Variants in TLK1 observed in about 807,000 individuals in gnomAD.
TLK1 encodes the protein serine/threonine-protein kinase tousled-like 1.
Under a neutral mutation model 105.3 loss-of-function variants are expected in TLK1, and 24 were observed. The ratio of observed to expected loss-of-function variants is 0.23; its 90% CI spans 0.17 to 0.32. The LOEUF (loss-of-function observed/expected upper bound fraction) is 0.32. Among genes scored for constraint, TLK1 ranks in the 10% least tolerant of loss-of-function variants. The pLI is 1.00. For missense variants in TLK1, 558 were observed against 910.5 expected, an observed-to-expected ratio of 0.61 and a Z score of 4.98; for synonymous variants, 321 against 310.4, an observed-to-expected ratio of 1.03 and a Z score of -0.36.
chr2:171,207,674 AG>A (rs1417791654), intron 1 of TLK1, among the ~76,000 whole-genome samples: 2 of 152,194 alleles, frequency 1.3e-5, no homozygotes, highest in Non-Finnish European at 2.9e-5. Context: ...TGATCCTAAA[AG>A]GGCTCTAAAA....
rs1380636867 is a variant in TLK1, at chr2:171,182,937, AAGAAAG to A, written c.-6+48202_-6+48207del. Among the ~76,000 whole-genome samples, 8 of 143,830 alleles carry A rather than the reference AAGAAAG, an allele frequency of 5.6e-5. No homozygotes were observed. The East Asian group carries it at 1.1e-3, about 20-fold the overall frequency. 94.4% of individuals were successfully genotyped at this position (143,830 alleles called of 152,430 possible). ...ACCCTGACTCCAAAAAAAAAAAAAA[AAGAAAG>A]AAAGAAAGAAAGAAAGAAAGAAAGA... is the stretch of plus-strand genomic sequence containing the variant. On this transcript the variant is annotated intron_variant, in intron 1 of 20. Transcript: ENST00000521943.
At chr2:171,155,040 A>G (rs1692180810) in intron 1 of TLK1, among the ~76,000 whole-genome samples, 1 of 152,206 alleles carries the variant, frequency 6.6e-6, no homozygotes, top group South Asian at 2.1e-4. Context: ...ATGAGAATTT[A>G]AATTCTTCAT....
intron 1 of TLK1, among the ~76,000 whole-genome samples, chr2:171,202,632 C>T (rs1358272108): frequency 6.6e-6 from 1 of 151,906 alleles, no homozygotes; most frequent in Non-Finnish European, 1.5e-5. Flanking sequence ...TGGTGTGCGC[C>T]GGTAGTCCCA....
chr2:171,029,777 G>A (rs1322646014), intron 11 of TLK1, among the ~76,000 whole-genome samples: 2 of 152,092 alleles, frequency 1.3e-5, no homozygotes. Flanking sequence ...TTAGGGTCTC[G>A]CTCTGTTGCC....
intron 1 of TLK1, among the ~76,000 whole-genome samples, chr2:171,205,546 A>G (rs1432206416): frequency 6.6e-6 from 1 of 151,696 alleles, no homozygotes; most frequent in Non-Finnish European, 1.5e-5. Context: ...CTGGTCTCCA[A>G]CTCCTGGGCT....
intron 1 of TLK1, among the ~76,000 whole-genome samples, chr2:171,133,607 T>C (rs560641872): frequency 6.6e-6 from 1 of 152,012 alleles, no homozygotes; most frequent in East Asian, 1.9e-4. Context: ...TAAAATAATA[T>C]AAAATAAGCT....
At chr2:171,221,820 A>T (rs564111125) in intron 1 of TLK1, among the ~76,000 whole-genome samples, 5 of 152,164 alleles carry the variant, frequency 3.3e-5, no homozygotes, top group Non-Finnish European at 7.3e-5. Flanking sequence ...CTCTTTTTAT[A>T]AGAGCACTAG....
intron 11 of TLK1, among the ~76,000 whole-genome samples, chr2:171,042,081 T>C (rs11679248): frequency 0.019 from 2,948 of 152,276 alleles, 35 homozygotes; most frequent in Non-Finnish European, 0.028. Flanking sequence ...GAGTTAGTTT[T>C]AGGTCAACAT....
chr2:170,996,334 T>C (rs1684060890), intron 20 of TLK1, among the ~76,000 whole-genome samples: 1 of 152,212 alleles, frequency 6.6e-6, no homozygotes, highest in Admixed American at 6.5e-5. Flanking sequence ...TATACTTATA[T>C]ATCTCAGTAT....
intron 9 of TLK1, 30 bp from the exon 10 acceptor site, chr2:171,049,980 A>G (rs1687158125): frequency 3.1e-6 from 5 of 1,612,474 alleles, no homozygotes; most frequent in Non-Finnish European, 4.2e-6. Context: ...TCATCACTCA[A>G]TTGTATTCAT....
intron 1 of TLK1, among the ~76,000 whole-genome samples, chr2:171,148,252 TG>T (rs1691872799): frequency 6.6e-6 from 1 of 152,152 alleles, no homozygotes; most frequent in South Asian, 2.1e-4. Flanking sequence ...TGTGTTTTTT[TG>T]TGTGTTCTTA....
At chr2:171,060,984 T>C (rs2105446029) in intron 4 of TLK1, 97 bp downstream of exon 4, 2 of 1,231,784 alleles carry the variant, frequency 1.6e-6, no homozygotes, top group East Asian at 2.6e-5. Flanking sequence ...ATTTACAACT[T>C]CATATTATTT....
chr2:171,098,624 T>G (rs1053875954), intron 2 of TLK1, among the ~76,000 whole-genome samples: 2 of 152,186 alleles, frequency 1.3e-5, no homozygotes, highest in African/African-American at 4.8e-5. Flanking sequence ...CAACTCATTC[T>G]GGAAAAACAA....
At chr2:171,025,387 G>A (rs1262022165) in intron 12 of TLK1, among the ~76,000 whole-genome samples, 1 of 152,034 alleles carries the variant, frequency 6.6e-6, no homozygotes, top group Non-Finnish European at 1.5e-5. Context: ...AATGAACTTT[G>A]GTCCTTCAGT....
chr2:171,121,200 A>G (rs1027695270), intron 1 of TLK1, among the ~76,000 whole-genome samples: 2 of 152,198 alleles, frequency 1.3e-5, no homozygotes, highest in Non-Finnish European at 2.9e-5. Flanking sequence ...TACATTTAAA[A>G]ATAGTTAACA....
chr2:171,053,944 A>G (rs1687372153), intron 7 of TLK1, 91 bp from the exon 8 acceptor site: 7 of 970,268 alleles, frequency 7.2e-6, no homozygotes, highest in Non-Finnish European at 1.0e-5. Context: ...TCAAAAGGTA[A>G]AGAAAAATAT....
At chr2:171,205,129 C>G (rs1693479474) in intron 1 of TLK1, among the ~76,000 whole-genome samples, 1 of 152,018 alleles carries the variant, frequency 6.6e-6, no homozygotes, top group Middle Eastern at 3.4e-3. Flanking sequence ...GAGAGGATTG[C>G]TTGAGCCCGG....
intron 3 of TLK1, among the ~76,000 whole-genome samples, chr2:171,063,861 C>A (rs1687868021): frequency 6.6e-6 from 1 of 152,164 alleles, no homozygotes; most frequent in African/African-American, 2.4e-5. Flanking sequence ...TGGGAAGATA[C>A]AATAAATTTT....
chr2:171,048,795 G>T (rs1401241297), intron 10 of TLK1, among the ~76,000 whole-genome samples: 1 of 152,210 alleles, frequency 6.6e-6, no homozygotes, highest in African/African-American at 2.4e-5. Context: ...GATACCATGT[G>T]AAAGTAAGTT....
Sources: allele counts gnomAD v4.1 joint callset (sites outside exome capture counted in the v4.1 genomes callset), GRCh38; gene constraint gnomAD v4.1.1; transcripts MANE v1.5; gene names NCBI Gene and HGNC (gene_info 2026-07-23, HGNC 2026-07-21).